The following TIAM1 variants were observed in gnomAD, a reference collection of about 807,000 sequenced individuals.
TIAM1 encodes the protein TIAM Rac1 associated GEF 1.
Under a neutral mutation model 163.5 loss-of-function variants are expected in TIAM1, and 65 were observed. The observed-to-expected ratio is 0.40, with a 90% CI of 0.33 to 0.49. TIAM1 has a LOEUF of 0.49. Ranked by LOEUF, TIAM1 falls within the 20% of genes least tolerant of loss-of-function variation. TIAM1 has a pLI of 0.77. For synonymous variants in TIAM1, 833 were observed against 810.1 expected (o/e 1.03, Z -0.48); for missense variants, 1,789 against 2,044.7 (o/e 0.87, Z 2.41).
At chr21:31,415,953 C>T (rs1391650254) in intron 2 of TIAM1, among the ~76,000 whole-genome samples, 1 of 152,178 alleles carries the variant, frequency 6.6e-6, no homozygotes, top group Non-Finnish European at 1.5e-5. Flanking sequence ...AGGCCTCCTC[C>T]CACCAACCAG....
intron 2 of TIAM1, among the ~76,000 whole-genome samples, chr21:31,285,463 G>C (rs2073766387): frequency 6.6e-6 from 1 of 152,164 alleles, no homozygotes; most frequent in African/African-American, 2.4e-5. Context: ...CATCCAAAAA[G>C]AATCACTCCC....
At chr21:31,335,937 T>A (rs763174260) in intron 2 of TIAM1, among the ~76,000 whole-genome samples, 1 of 152,158 alleles carries the variant, frequency 6.6e-6, no homozygotes, top group Admixed American at 6.5e-5. Flanking sequence ...GACTTGGAGA[T>A]GAGAATACGC....
chr21:31,356,490 G>A (rs2076318836), intron 2 of TIAM1, among the ~76,000 whole-genome samples: 1 of 152,172 alleles, frequency 6.6e-6, no homozygotes, highest in Admixed American at 6.5e-5. Flanking sequence ...GGTATTCTAA[G>A]GTGGGGGCCT....
chr21:31,462,444 G>A (rs2251990), intron 2 of TIAM1, among the ~76,000 whole-genome samples: 15,148 of 152,194 alleles, frequency 0.1, 1,737 homozygotes, highest in East Asian at 0.57. Flanking sequence ...AGGCATAGCC[G>A]ATTACACCCA....
chr21:31,448,565 C>A (rs1341158700), intron 2 of TIAM1, among the ~76,000 whole-genome samples: 8 of 149,616 alleles, frequency 5.3e-5, no homozygotes, highest in Non-Finnish European at 1.0e-4. Context: ...AAGATTGTGC[C>A]ACTGCACTCC....
intron 2 of TIAM1, among the ~76,000 whole-genome samples, chr21:31,282,944 A>C (rs1380633929): frequency 6.6e-6 from 1 of 152,264 alleles, no homozygotes; most frequent in Admixed American, 6.5e-5. Context: ...AGATTCATAC[A>C]ATCAATATGT....
intron 2 of TIAM1, among the ~76,000 whole-genome samples, chr21:31,437,924 A>T (rs949412004): frequency 1.1e-4 from 16 of 152,208 alleles, no homozygotes; most frequent in Non-Finnish European, 2.1e-4. Context: ...TGGATATTCC[A>T]TAACTTACTT....
chr21:31,358,023 T>C (rs561944587), intron 2 of TIAM1, among the ~76,000 whole-genome samples: 28 of 152,258 alleles, frequency 1.8e-4, no homozygotes, highest in Admixed American at 8.5e-4. Flanking sequence ...GTGAGGGAGA[T>C]AGGTAGATCC....
At chr21:31,425,122 T>C (rs1425334962) in intron 2 of TIAM1, among the ~76,000 whole-genome samples, 1 of 152,050 alleles carries the variant, frequency 6.6e-6, no homozygotes, top group Non-Finnish European at 1.5e-5. Context: ...TTTACCGTAA[T>C]TAAAAATAAA....
intron 2 of TIAM1, among the ~76,000 whole-genome samples, chr21:31,364,109 AT>A (rs2076457788): frequency 6.6e-6 from 1 of 152,180 alleles, no homozygotes; most frequent in South Asian, 2.1e-4. Context: ...TGATTTCAGC[AT>A]TTTACAGGAA....
intron 2 of TIAM1, among the ~76,000 whole-genome samples, chr21:31,311,617 C>A (rs1490724029): frequency 6.6e-6 from 1 of 152,148 alleles, no homozygotes; most frequent in African/African-American, 2.4e-5. Context: ...TCCTCACTAG[C>A]CTATTTATGC....
chr21:31,124,971 G>A (rs1045052682), intron 26 of TIAM1, among the ~76,000 whole-genome samples: 3 of 152,186 alleles, frequency 2.0e-5, no homozygotes, highest in East Asian at 1.9e-4. Flanking sequence ...TTTGTACCAA[G>A]AAGCTGCCAA....
intron 2 of TIAM1, among the ~76,000 whole-genome samples, chr21:31,385,750 G>A (rs1413433087): frequency 1.4e-5 from 2 of 147,760 alleles, no homozygotes; most frequent in Middle Eastern, 3.6e-3. Flanking sequence ...TACACCAGCT[G>A]TTTAAAACGT....
At chr21:31,551,904 T>C (rs187959015) in intron 1 of TIAM1, among the ~76,000 whole-genome samples, 5 of 152,180 alleles carry the variant, frequency 3.3e-5, no homozygotes, top group Admixed American at 6.5e-5. Context: ...AAAACAAAAA[T>C]GAACAAATGT....
chr21:31,176,028 C>T (rs2084748334), intron 15 of TIAM1, among the ~76,000 whole-genome samples: 1 of 152,076 alleles, frequency 6.6e-6, no homozygotes, highest in South Asian at 2.1e-4. Flanking sequence ...CAGTAGTTCT[C>T]AACTGGGTAA....
chr21:31,248,216 TTAAGAAGAGAG>T (rs2071609105), intron 5 of TIAM1, among the ~76,000 whole-genome samples: 1 of 152,178 alleles, frequency 6.6e-6, no homozygotes, highest in African/African-American at 2.4e-5. Context: ...TTAGCATAGC[TTAAGAAGAGAG>T]AAAGAAGCCT....
At chr21:31,449,772 A>G (rs1314143605) in intron 2 of TIAM1, among the ~76,000 whole-genome samples, 1 of 151,782 alleles carries the variant, frequency 6.6e-6, no homozygotes, top group Non-Finnish European at 1.5e-5. Flanking sequence ...AACTGTCACA[A>G]CTCCCTTTTC....
intron 2 of TIAM1, among the ~76,000 whole-genome samples, chr21:31,437,875 A>C (rs781699287): frequency 4.6e-5 from 7 of 152,208 alleles, no homozygotes; most frequent in Non-Finnish European, 8.8e-5. Flanking sequence ...CAAATTTCAG[A>C]TATTTCTTTA....
chr21:31,442,212 C>T lies in TIAM1; in HGVS notation c.-369+21771G>A, dbSNP rs73358833. On this transcript the variant is annotated intron_variant, in intron 2 of 28. Transcript: ENST00000286827. ...GTCAGTCAATGGACAATTACTAAGA[C>T]GTAACGTCAGGAGTAGGGAGTTTTT... Among the ~76,000 whole-genome samples the T allele has an allele frequency of 3.6e-3, 527 of 147,786 alleles. 1 individual carries two copies. Among genetic ancestry groups the T allele is most frequent in the African/African-American group, 0.013 (509 of 40,212 alleles).
Sources: gnomAD v4.1 joint callset for allele counts (sites outside exome capture counted in the v4.1 genomes callset) on GRCh38, gnomAD v4.1.1 for gene constraint, MANE v1.5 for transcripts, NCBI Gene and HGNC (gene_info 2026-07-23, HGNC 2026-07-21) for gene names.